Variants in ARL15 observed in about 807,000 individuals in gnomAD.
The protein encoded by ARL15 is ARF like GTPase 15.
In ARL15, 19 loss-of-function variants were observed where a neutral mutation model predicts 25.2. The ratio of observed to expected loss-of-function variants is 0.75; its 90% CI spans 0.53 to 1.10. The LOEUF (loss-of-function observed/expected upper bound fraction) is 1.10, where lower values mean the gene tolerates loss of function less well. Among genes scored for constraint, ARL15 ranks in the 50% least tolerant of loss-of-function variants. The pLI is 0.00. For missense variants in ARL15, 220 were observed against 246.0 expected, an observed-to-expected ratio of 0.89 and a Z score of 0.71; for synonymous variants, 94 against 86.8, an observed-to-expected ratio of 1.08 and a Z score of -0.46.
intron 1 of ARL15, among the ~76,000 whole-genome samples, chr5:54,280,019 G>C (rs1022919832): frequency 6.6e-6 from 1 of 152,194 alleles, no homozygotes; most frequent in African/African-American, 2.4e-5. Context: ...AGAGGTACTG[G>C]AATCACTGCT....
At chr5:54,120,818 G>A (rs1579819420) in intron 3 of ARL15, among the ~76,000 whole-genome samples, 1 of 152,194 alleles carries the variant, frequency 6.6e-6, no homozygotes, top group Admixed American at 6.5e-5. Context: ...AGCCAAAATG[G>A]AGACTTCCTG....
At position 54,310,292 on chromosome 5, in the gene ARL15, T is replaced by C. The variant is rs1188572775; in HGVS notation, c.48+140A>G. The C allele has an allele frequency of 4.0e-6, 4 of 988,488 alleles. No homozygotes were observed. In the African/African-American group the frequency reaches 5.0e-5, roughly 12 times the overall value. 61.2% of individuals were successfully genotyped at this position (988,488 alleles called of 1,614,324 possible). ...GCCCCTCCGAGTCCAGGGAAAGGCT[T>C]ACCAGCCGGCTGCGGGAGAAAGAAC... On this transcript the variant is annotated intron_variant, in intron 1 of 4. Transcript: ENST00000504924.
At chr5:54,020,919 C>T (rs1189440268) in intron 4 of ARL15, among the ~76,000 whole-genome samples, 1 of 151,914 alleles carries the variant, frequency 6.6e-6, no homozygotes, top group East Asian at 1.9e-4. Context: ...AGCACCATTG[C>T]ACTCCAGCCT....
At chr5:53,923,546 A>T (rs1745921874) in intron 4 of ARL15, among the ~76,000 whole-genome samples, 1 of 152,194 alleles carries the variant, frequency 6.6e-6, no homozygotes, top group Non-Finnish European at 1.5e-5. Flanking sequence ...AGCATGATTT[A>T]CCTAAAGGCA....
intron 1 of ARL15, among the ~76,000 whole-genome samples, chr5:54,274,150 G>A (rs895111659): frequency 2.0e-5 from 3 of 152,206 alleles, no homozygotes; most frequent in South Asian, 2.1e-4. Flanking sequence ...ACGGGCTGTG[G>A]TGCCAGTCAC....
At chr5:54,189,549 C>G (rs1442801486) in intron 1 of ARL15, among the ~76,000 whole-genome samples, 2 of 152,086 alleles carry the variant, frequency 1.3e-5, no homozygotes, top group East Asian at 1.9e-4. Flanking sequence ...TGGGAAAGAA[C>G]AGTCTTTTCA....
chr5:54,196,091 A>C (rs770085014), intron 1 of ARL15, among the ~76,000 whole-genome samples: 35 of 152,272 alleles, frequency 2.3e-4, no homozygotes, highest in Non-Finnish European at 4.0e-4. Context: ...GGCTACCCCA[A>C]AATTTATCAG....
In ARL15 at chr5:54,155,704, G is replaced by GCA. The variant is rs1561245785; in HGVS notation, c.194-1067_194-1066dup. Among the ~76,000 whole-genome samples, 50 of 64,856 alleles carry GCA rather than the reference G, an allele frequency of 7.7e-4. 1 individual carries two copies. Among genetic ancestry groups the GCA allele is most frequent in the African/African-American group, 1.7e-3 (30 of 17,202 alleles). 42.5% of individuals were successfully genotyped at this position (64,856 alleles called of 152,430 possible). A position where few individuals can be genotyped will look rare whatever the true frequency, so the allele number is the denominator to read the frequency against. On this transcript the variant is annotated intron_variant, in intron 2 of 4. Coordinates refer to ENST00000504924, the MANE Select transcript of ARL15 (RefSeq NM_019087.3). ...TTCACACACACACACACACACACAC[G>GCA]CACACACACACATGCAAATATACAC...
intron 4 of ARL15, among the ~76,000 whole-genome samples, chr5:53,909,367 A>G (rs1295019336): frequency 6.6e-6 from 1 of 152,186 alleles, no homozygotes; most frequent in African/African-American, 2.4e-5. Flanking sequence ...TTGGACTTAA[A>G]ATAATAAGTG....
At chr5:54,115,040 A>G (rs1375124089) in intron 3 of ARL15, among the ~76,000 whole-genome samples, 1 of 152,078 alleles carries the variant, frequency 6.6e-6, no homozygotes, top group East Asian at 1.9e-4. Flanking sequence ...TCTCTTCCCA[A>G]CTCTGTGCTC....
At chr5:54,269,708 C>T (rs956413959) in intron 1 of ARL15, among the ~76,000 whole-genome samples, 5 of 152,276 alleles carry the variant, frequency 3.3e-5, no homozygotes, top group Admixed American at 1.3e-4. Flanking sequence ...TGCGGTGGCG[C>T]GATCTCGGCC....
At chr5:53,974,637 T>C (rs1200379107) in intron 4 of ARL15, among the ~76,000 whole-genome samples, 1 of 152,238 alleles carries the variant, frequency 6.6e-6, no homozygotes, top group Non-Finnish European at 1.5e-5. Context: ...ACTTGACAAA[T>C]ATTTAATAAA....
At chr5:54,184,892 T>A (rs186750346) in intron 1 of ARL15, among the ~76,000 whole-genome samples, 1 of 152,246 alleles carries the variant, frequency 6.6e-6, no homozygotes, top group East Asian at 1.9e-4. Flanking sequence ...ACTGGTGTCA[T>A]TAGTTCAGGT....
intron 1 of ARL15, among the ~76,000 whole-genome samples, chr5:54,219,865 A>G (rs1160864893): frequency 2.6e-5 from 4 of 152,234 alleles, no homozygotes; most frequent in African/African-American, 9.6e-5. Flanking sequence ...GGCAAAATCT[A>G]GAACTAAAAT....
Position 53,900,797 on chromosome 5 carries a change from C to T in ARL15, c.463-14084G>A, listed in dbSNP as rs6893809. ...AGGTGGGATTTTACATGAAGAGTTT[C>T]AAAACTGTAGATATAATTGGTTCAA... is the stretch of plus-strand genomic sequence containing the variant. On this transcript the variant is annotated intron_variant, in intron 4 of 4. Coordinates refer to ENST00000504924, the MANE Select transcript of ARL15 (RefSeq NM_019087.3). 3.7e-3 allele frequency among the ~76,000 whole-genome samples: 558 copies of T among 152,192 alleles called. 6 individuals are homozygous for T. Among genetic ancestry groups the T allele is most frequent in the African/African-American group, 0.013 (539 of 41,524 alleles).
chr5:53,889,750 A>C (rs1480541632), intron 4 of ARL15, among the ~76,000 whole-genome samples: 3 of 152,140 alleles, frequency 2.0e-5, no homozygotes, highest in African/African-American at 7.2e-5. Context: ...TCATGTTTCT[A>C]AAAACAAAGA....
At chr5:54,050,100 T>C (rs764695285) in intron 4 of ARL15, among the ~76,000 whole-genome samples, 2 of 152,188 alleles carry the variant, frequency 1.3e-5, no homozygotes, top group African/African-American at 2.4e-5. Flanking sequence ...CCTTCAACTA[T>C]GTGACAACGA....
At chr5:54,106,848 G>A (rs142537978) in intron 4 of ARL15, among the ~76,000 whole-genome samples, 4 of 152,094 alleles carry the variant, frequency 2.6e-5, no homozygotes, top group Non-Finnish European at 2.9e-5. Context: ...AGTTATAGGC[G>A]AAATTCTAAT....
At chr5:53,982,348 CT>C (rs1748151951) in intron 4 of ARL15, among the ~76,000 whole-genome samples, 1 of 149,300 alleles carries the variant, frequency 6.7e-6, no homozygotes, top group South Asian at 2.2e-4. Context: ...CCCCCACCCC[CT>C]GACAGGCACC....
Sources: allele counts gnomAD v4.1 joint callset (sites outside exome capture counted in the v4.1 genomes callset), GRCh38; gene constraint gnomAD v4.1.1; transcripts MANE v1.5; gene names NCBI Gene and HGNC (gene_info 2026-07-23, HGNC 2026-07-21).